DNAJC24: variants seen among roughly 807,000 people sequenced by gnomAD.
DNAJC24 encodes the protein dnaJ homolog subfamily C member 24.
Under a neutral mutation model 18.0 loss-of-function variants are expected in DNAJC24, and 17 were observed. The observed-to-expected ratio is 0.94, with a 90% CI of 0.65 to 1.42. DNAJC24 has a LOEUF of 1.42. Among genes scored for constraint, DNAJC24 ranks in the 40% most tolerant of loss-of-function variants. The pLI is 0.00. For synonymous variants in DNAJC24, 55 were observed against 57.7 expected (o/e 0.95, Z 0.21); for missense variants, 158 against 175.6 (o/e 0.90, Z 0.57).
chr11:31,407,706 AAT>A (rs869293205), intron 2 of DNAJC24, among the ~76,000 whole-genome samples: 19,075 of 62,052 alleles, frequency 0.31, 2,347 homozygotes, highest in East Asian at 0.43. Flanking sequence ...AAAAAAAAAA[AAT>A]ATATATATAT....
intron 2 of DNAJC24, among the ~76,000 whole-genome samples, chr11:31,413,998 G>A (rs1187184873): frequency 6.6e-6 from 1 of 152,158 alleles, no homozygotes; most frequent in Non-Finnish European, 1.5e-5. Flanking sequence ...TAGGAGAACT[G>A]ATAATAGAAG....
chr11:31,409,847 C>G (rs1307899738), intron 2 of DNAJC24, among the ~76,000 whole-genome samples: 1 of 150,110 alleles, frequency 6.7e-6, no homozygotes, highest in African/African-American at 2.4e-5. Flanking sequence ...TATTTCATAT[C>G]TTATCAACAC....
intron 2 of DNAJC24, among the ~76,000 whole-genome samples, chr11:31,400,773 A>C (rs4922863): frequency 1 from 152,290 of 152,324 alleles, 76,128 homozygotes; most frequent in Middle Eastern, 1. Context: ...ACCATTAAAA[A>C]CCTAGAAGAA....
intron 2 of DNAJC24, among the ~76,000 whole-genome samples, chr11:31,395,787 G>A (rs954107765): frequency 7.2e-5 from 11 of 152,072 alleles, no homozygotes; most frequent in Non-Finnish European, 1.5e-4. Flanking sequence ...TTATAGTTTG[G>A]CAAATATTCT....
intron 2 of DNAJC24, among the ~76,000 whole-genome samples, chr11:31,388,638 A>C (rs1271355820): frequency 6.6e-6 from 1 of 152,238 alleles, no homozygotes; most frequent in Non-Finnish European, 1.5e-5. Context: ...TGTCTGAAAG[A>C]AAAGTACATT....
intron 2 of DNAJC24, chr11:31,385,068 A>G (rs1049342909): frequency 6.6e-6 from 1 of 152,260 alleles, no homozygotes; most frequent in African/African-American, 2.4e-5. Flanking sequence ...TCACAATCAC[A>G]GTGACTTTTG....
At chr11:31,377,275 T>G (rs1246521611) in intron 2 of DNAJC24, among the ~76,000 whole-genome samples, 1 of 152,134 alleles carries the variant, frequency 6.6e-6, no homozygotes, top group Non-Finnish European at 1.5e-5. Flanking sequence ...GTAAATACTG[T>G]TTCCTTATTT....
chr11:31,379,961 G>A (rs540216297), intron 2 of DNAJC24, among the ~76,000 whole-genome samples: 308 of 152,038 alleles, frequency 2.0e-3, no homozygotes, highest in Middle Eastern at 0.017. Flanking sequence ...GTAGAGACAG[G>A]GTTTCACCAT....
intron 3 of DNAJC24, among the ~76,000 whole-genome samples, chr11:31,419,660 A>G (rs1469164291): frequency 1.3e-5 from 2 of 151,480 alleles, no homozygotes; most frequent in Non-Finnish European, 3.0e-5. Flanking sequence ...TTTTTTTTCC[A>G]ACTTTAACCA....
At chr11:31,377,844 G>C (rs1236645445) in intron 2 of DNAJC24, among the ~76,000 whole-genome samples, 1 of 152,078 alleles carries the variant, frequency 6.6e-6, no homozygotes, top group Non-Finnish European at 1.5e-5. Context: ...GTTATAATAT[G>C]TTCTATAATC....
At chr11:31,396,401 T>C (rs1952542954) in intron 2 of DNAJC24, 4 of 398,604 alleles carry the variant, frequency 1.0e-5, no homozygotes, top group South Asian at 7.5e-5. Flanking sequence ...GGAGGTCGGT[T>C]AGCCCCTCAA....
intron 2 of DNAJC24, among the ~76,000 whole-genome samples, chr11:31,392,137 T>A (rs1952502846): frequency 6.6e-6 from 1 of 152,126 alleles, no homozygotes; most frequent in Non-Finnish European, 1.5e-5. Context: ...GTGGAGATGG[T>A]TAATGGTTCC....
chr11:31,381,458 T>C (rs1238853527), intron 2 of DNAJC24, among the ~76,000 whole-genome samples: 1 of 152,188 alleles, frequency 6.6e-6, no homozygotes, highest in Non-Finnish European at 1.5e-5. Flanking sequence ...AAATTGACTG[T>C]AAATTGAGCA....
At chr11:31,427,692 G>C (rs559053932) in intron 4 of DNAJC24, 12 of 152,110 alleles carry the variant, frequency 7.9e-5, no homozygotes, top group Non-Finnish European at 1.3e-4. Flanking sequence ...TGTGTTTAAT[G>C]TCTTAATAAA....
At chr11:31,406,337 TCTC>T (rs982189960) in intron 2 of DNAJC24, among the ~76,000 whole-genome samples, 12 of 152,312 alleles carry the variant, frequency 7.9e-5, no homozygotes, top group African/African-American at 2.9e-4. Flanking sequence ...AAAATTTATC[TCTC>T]CTCCTGTATG....
chr11:31,419,222 T>C (rs921517332), intron 3 of DNAJC24, among the ~76,000 whole-genome samples: 5 of 152,034 alleles, frequency 3.3e-5, no homozygotes, highest in African/African-American at 1.2e-4. Context: ...CAAAATTAGT[T>C]GTAAAAATTT....
At position 31,375,029 on chromosome 11, in the gene DNAJC24, G is replaced by C. The variant is rs1427217976; in HGVS notation, c.111+4170G>C. ...AAGGAATTTTCAGAGGGATGAAAGT[G>C]TGAGCCAGTTGCTGTGGTTCACACT... On this transcript the variant is annotated intron_variant, in intron 2 of 4. Coordinates refer to ENST00000465995, the MANE Select transcript of DNAJC24 (RefSeq NM_181706.5). Among the ~76,000 whole-genome samples the C allele has an allele frequency of 1.5e-5, 2 of 134,264 alleles. 1 individual carries two copies. The allele number at this position is 134,264 out of a possible 152,430, so 88.1% of individuals were successfully genotyped here.
chr11:31,427,575 C>T (rs186475767), intron 4 of DNAJC24: 1 of 151,958 alleles, frequency 6.6e-6, no homozygotes, highest in African/African-American at 2.4e-5. Flanking sequence ...TATATACACA[C>T]ATATACTTTT....
chr11:31,419,273 T>C (rs550430999), intron 3 of DNAJC24, among the ~76,000 whole-genome samples: 1 of 151,886 alleles, frequency 6.6e-6, no homozygotes, highest in South Asian at 2.1e-4. Flanking sequence ...GGGGGGTATG[T>C]TTTTTTTGGT....
Sources: allele counts gnomAD v4.1 joint callset (sites outside exome capture counted in the v4.1 genomes callset), GRCh38; gene constraint gnomAD v4.1.1; transcripts MANE v1.5; gene names NCBI Gene and HGNC (gene_info 2026-07-23, HGNC 2026-07-21).